PTPRD: variants seen among roughly 807,000 people sequenced by gnomAD.
PTPRD encodes the protein protein tyrosine phosphatase receptor type D.
A neutral mutation model predicts 214.5 loss-of-function variants in PTPRD; 34 were observed. The ratio of observed to expected loss-of-function variants is 0.16; its 90% CI spans 0.12 to 0.21. The LOEUF is 0.21. Among genes scored for constraint, PTPRD ranks in the 10% least tolerant of loss-of-function variants. The pLI is 1.00. For synonymous variants in PTPRD, 1,128 were observed against 845.7 expected (o/e 1.33, Z -5.79); for missense variants, 2,545 against 2,398.7 (o/e 1.06, Z -1.27).
intron 44 of PTPRD, among the ~76,000 whole-genome samples, chr9:8,321,233 C>T (rs1031676499): frequency 6.6e-6 from 1 of 151,470 alleles, no homozygotes; most frequent in South Asian, 2.1e-4. Flanking sequence ...TCTAGGTACT[C>T]CAGAGTCTAT....
chr9:10,047,104 T>C (rs2097415461), intron 3 of PTPRD, among the ~76,000 whole-genome samples: 1 of 151,954 alleles, frequency 6.6e-6, no homozygotes. Context: ...ACCTATAGTT[T>C]GAATATTTCC....
intron 7 of PTPRD, among the ~76,000 whole-genome samples, chr9:9,672,708 A>T (rs1594852089): frequency 6.6e-6 from 1 of 152,222 alleles, no homozygotes; most frequent in East Asian, 1.9e-4. Flanking sequence ...ACAGGGAGTT[A>T]TTATCCACCC....
chr9:9,283,757 C>G (rs991080326), intron 9 of PTPRD, among the ~76,000 whole-genome samples: 2 of 151,574 alleles, frequency 1.3e-5, no homozygotes, highest in African/African-American at 2.4e-5. Context: ...CTACATATAT[C>G]TCTCTAATTG....
chr9:9,767,973 A>G (rs1433838975), intron 5 of PTPRD, among the ~76,000 whole-genome samples: 1 of 152,162 alleles, frequency 6.6e-6, no homozygotes, highest in African/African-American at 2.4e-5. Flanking sequence ...AATGCTCCGT[A>G]AGCTATCATC....
At chr9:9,595,714 G>C (rs1251489656) in intron 7 of PTPRD, among the ~76,000 whole-genome samples, 1 of 151,786 alleles carries the variant, frequency 6.6e-6, no homozygotes, top group African/African-American at 2.4e-5. Flanking sequence ...AACATCGCAT[G>C]TTCTCACTCA....
intron 7 of PTPRD, among the ~76,000 whole-genome samples, chr9:9,582,020 A>G (rs1183504108): frequency 2.6e-5 from 4 of 152,172 alleles, no homozygotes; most frequent in Non-Finnish European, 5.9e-5. Context: ...TAGACATTGT[A>G]CAATTGCATT....
At chr9:10,351,546 A>T (rs1034412555) in intron 2 of PTPRD, among the ~76,000 whole-genome samples, 1 of 152,062 alleles carries the variant, frequency 6.6e-6, no homozygotes, top group Non-Finnish European at 1.5e-5. Context: ...GTTGGAGTCA[A>T]TCATAGCTGG....
At chr9:10,109,943 A>C (rs2098675379) in intron 3 of PTPRD, among the ~76,000 whole-genome samples, 1 of 151,942 alleles carries the variant, frequency 6.6e-6, no homozygotes, top group African/African-American at 2.4e-5. Context: ...GTTTCCTGAT[A>C]TATGCCAATG....
At chr9:10,175,059 G>A (rs2099238496) in intron 3 of PTPRD, among the ~76,000 whole-genome samples, 1 of 152,050 alleles carries the variant, frequency 6.6e-6, no homozygotes, top group Non-Finnish European at 1.5e-5. Context: ...GATGAAAAAT[G>A]ATTCTTCTTT....
intron 10 of PTPRD, among the ~76,000 whole-genome samples, chr9:9,137,498 T>C (rs1467886191): frequency 6.6e-6 from 1 of 152,152 alleles, no homozygotes; most frequent in African/African-American, 2.4e-5. Flanking sequence ...AAGAGATATA[T>C]AACCCCCCTC....
intron 8 of PTPRD, chr9:9,442,040 G>C (rs2088118134): frequency 6.6e-6 from 1 of 152,292 alleles, no homozygotes. Context: ...TGTTCTCTCA[G>C]AGTCAGAAGT....
At chr9:8,488,156 G>C (rs927476708) in intron 27 of PTPRD, among the ~76,000 whole-genome samples, 3 of 152,186 alleles carry the variant, frequency 2.0e-5, no homozygotes, top group African/African-American at 7.2e-5. Context: ...AAAAGATTAT[G>C]AGACAATACA....
At chr9:8,639,660 A>G (rs78289929) in intron 12 of PTPRD, among the ~76,000 whole-genome samples, 1 of 152,356 alleles carries the variant, frequency 6.6e-6, no homozygotes, top group African/African-American at 2.4e-5. Context: ...AGAATGAAGA[A>G]GAGTTGGCAA....
chr9:10,509,721 C>T (rs1369161965), intron 2 of PTPRD, among the ~76,000 whole-genome samples: 1 of 151,080 alleles, frequency 6.6e-6, no homozygotes, highest in East Asian at 1.9e-4. Context: ...TTCCATGATA[C>T]AGAGGACAGT....
At chr9:9,726,854 T>C (rs976710270) in intron 7 of PTPRD, among the ~76,000 whole-genome samples, 12 of 152,068 alleles carry the variant, frequency 7.9e-5, no homozygotes, top group Non-Finnish European at 1.2e-4. Context: ...CAGCTGAAAA[T>C]TGTAGAATGT....
chr9:9,018,343 A>G (rs1005627742), intron 11 of PTPRD, among the ~76,000 whole-genome samples: 1 of 152,206 alleles, frequency 6.6e-6, no homozygotes, highest in Non-Finnish European at 1.5e-5. Flanking sequence ...CAATTTTTAA[A>G]TAAAACGGTA....
At chr9:8,553,700 T>C (rs1439713972) in intron 14 of PTPRD, among the ~76,000 whole-genome samples, 4 of 152,200 alleles carry the variant, frequency 2.6e-5, no homozygotes, top group Admixed American at 2.0e-4. Context: ...GTCTAAAATG[T>C]ATGTTCTCTT....
chr9:9,112,400 C>T (rs77926625), intron 10 of PTPRD, among the ~76,000 whole-genome samples: 3,220 of 152,274 alleles, frequency 0.021, 62 homozygotes, highest in East Asian at 0.069. Flanking sequence ...AATCAGATCA[C>T]TGACTGCTCG....
intron 2 of PTPRD, among the ~76,000 whole-genome samples, chr9:10,400,537 G>A (rs542619603): frequency 6.6e-6 from 1 of 151,568 alleles, no homozygotes. Context: ...AGTAAAAAAT[G>A]AAATAAATCT....
Sources: allele counts gnomAD v4.1 joint callset (sites outside exome capture counted in the v4.1 genomes callset), GRCh38; gene constraint gnomAD v4.1.1; transcripts MANE v1.5; gene names NCBI Gene and HGNC (gene_info 2026-07-23, HGNC 2026-07-21).